OR1B1: variants seen among roughly 807,000 people sequenced by gnomAD.
The protein encoded by OR1B1 is olfactory receptor family 1 subfamily B member 1, also known as olfactory receptor 1B1.
For missense variants in OR1B1, 414 were observed against 402.1 expected (o/e 1.03, Z -0.25); for synonymous variants, 168 against 156.2 (o/e 1.08, Z -0.57).
At chr9:122,632,235 C>T (rs1830209966), upstream of OR1B1, among the ~76,000 whole-genome samples, 1 of 151,250 alleles carries the variant, frequency 6.6e-6, no homozygotes, top group South Asian at 2.1e-4. Context: ...AAGGAATATA[C>T]ATTATATTTA....
the OR1B1 span, among the ~76,000 whole-genome samples, chr9:122,648,605 AACAG>A: frequency 6.6e-6 from 1 of 152,220 alleles, no homozygotes; most frequent in African/African-American, 2.4e-5. Flanking sequence ...ATACGTCAAT[AACAG>A]ACAAACAGAG....
chr9:122,635,078 C>T, the OR1B1 span, among the ~76,000 whole-genome samples: 1 of 152,134 alleles, frequency 6.6e-6, no homozygotes, highest in Admixed American at 6.5e-5. Context: ...TATCTGCACT[C>T]CCATGTTCAC....
At chr9:122,629,560 G>C (rs375654136) in exon 1 of OR1B1, 3 of 1,449,532 alleles carry the variant, frequency 2.1e-6, no homozygotes, top group Admixed American at 3.8e-5. Flanking sequence ...CTGCCTGAAA[G>C]ACAGTTTAAG....
chr9:122,629,917 C>T (rs1476973253), upstream of OR1B1, among the ~76,000 whole-genome samples: 1 of 152,184 alleles, frequency 6.6e-6, no homozygotes, highest in Non-Finnish European at 1.5e-5. Flanking sequence ...AGTTCCTTAC[C>T]TTCCATTCAC....
At chr9:122,629,073 T>A in exon 1 of OR1B1, 1 of 1,614,018 alleles carries the variant, frequency 6.2e-7, no homozygotes, top group Admixed American at 1.7e-5. Context: ...GTGTGCAGTA[T>A]GGACACCACC....
exon 1 of OR1B1, chr9:122,629,562 C>T (rs750262566): frequency 7.0e-7 from 1 of 1,421,524 alleles, no homozygotes; most frequent in Non-Finnish European, 9.7e-7. Flanking sequence ...GCCTGAAAGA[C>T]AGTTTAAGTC....
chr9:122,630,406 G>A (rs1213745065), upstream of OR1B1, among the ~76,000 whole-genome samples: 4 of 152,116 alleles, frequency 2.6e-5, no homozygotes, highest in East Asian at 3.8e-4. Context: ...ATTCCTTAAC[G>A]TCTATGTTTT....
Position 122,629,124 on chromosome 9 carries a change from TTACC to T in OR1B1, c.408_411del (p.Val137Ter), listed in dbSNP as rs1238330108. ...AAGCAGGCACACCGTTGGTGATTCA[TTACC>T]AAAGCATAGTGCAGGGGGTCACAGA... On this transcript the variant is annotated frameshift_variant, in exon 1 of 1. Transcript: ENST00000623530. LOFTEE classifies it low-confidence loss of function (END_TRUNC). 2.1e-5 allele frequency: 34 copies of T among 1,613,954 alleles called. No individual in the cohort carries two copies. The highest frequency in any genetic ancestry group is 2.5e-5 in the Non-Finnish European group (30 of 1,180,026).
At chr9:122,632,466 G>C (rs1230891742), upstream of OR1B1, among the ~76,000 whole-genome samples, 8 of 151,952 alleles carry the variant, frequency 5.3e-5, no homozygotes, top group African/African-American at 1.9e-4. Flanking sequence ...GGTGGTATTT[G>C]GTTACAAGAG....
At position 122,629,318 on chromosome 9, in the gene OR1B1, A is replaced by G. The variant is rs771779577; in HGVS notation, c.218T>C (p.Met73Thr). Residue 73 changes from methionine to threonine, a missense_variant, in exon 1 of 1, where the codon ATG becomes ACG. Coordinates refer to ENST00000623530, the Ensembl canonical transcript of OR1B1. ...GGGCAGTGTAACTGTGGATAGCCCC[A>G]TGTCTATCACAGAGAGGCCACGAAG... 10 of 1,613,920 alleles carry G rather than the reference A, an allele frequency of 6.2e-6. No homozygotes were observed. The African/African-American group carries it at 6.7e-5, about 11-fold the overall frequency.
upstream of OR1B1, chr9:122,629,611 A>G (rs913813155): frequency 2.3e-6 from 2 of 879,068 alleles, no homozygotes; most frequent in Non-Finnish European, 1.8e-6. Flanking sequence ...GGATCATAGC[A>G]TTTCTAGTTA....
chr9:122,650,522 G>C, the OR1B1 span, among the ~76,000 whole-genome samples: 2 of 151,886 alleles, frequency 1.3e-5, no homozygotes, highest in African/African-American at 4.8e-5. Flanking sequence ...GATTAAATCT[G>C]GGGGAGGCAG....
chr9:122,629,536 G>A (rs950797381), exon 1 of OR1B1: 9 of 1,582,224 alleles, frequency 5.7e-6, no homozygotes, highest in Non-Finnish European at 7.8e-6. Flanking sequence ...AGCTCATCAT[G>A]AGTGACAGTC....
Position 122,628,660 on chromosome 9 carries a change from G to GT in OR1B1, c.875dup (p.Asn292LysfsTer6). On this transcript the variant is annotated frameshift_variant, in exon 1 of 1. Transcript: ENST00000623530. LOFTEE classifies it low-confidence loss of function (END_TRUNC). ...TATTGTGGAGGCTATACACAAATGG[G>GT]TTGGCCAAAGGTGTAATGGCAGTAT... 1 of 1,614,010 alleles carries GT rather than the reference G, an allele frequency of 6.2e-7. No homozygotes were observed. Among genetic ancestry groups the GT allele is most frequent in the Non-Finnish European group, 8.5e-7 (1 of 1,179,928 alleles).
chr9:122,637,227 A>C, the OR1B1 span: 2 of 152,166 alleles, frequency 1.3e-5, no homozygotes, highest in African/African-American at 4.8e-5. Flanking sequence ...TGAAGAAGGG[A>C]AACGGAAAGG....
At chr9:122,629,840 T>A (rs1485972896), upstream of OR1B1, among the ~76,000 whole-genome samples, 2 of 152,202 alleles carry the variant, frequency 1.3e-5, no homozygotes, top group Non-Finnish European at 2.9e-5. Flanking sequence ...TGTCTTTTCA[T>A]CCAACTATTT....
At chr9:122,629,540 G>T (rs374000153) in exon 1 of OR1B1, 48 of 1,568,906 alleles carry the variant, frequency 3.1e-5, no homozygotes, top group Non-Finnish European at 3.9e-5. Context: ...CATCATGAGT[G>T]ACAGTCAGCC....
chr9:122,629,348 T>C, exon 1 of OR1B1: 3 of 1,613,986 alleles, frequency 1.9e-6, no homozygotes, highest in Non-Finnish European at 2.5e-6. Context: ...ACGAAGCAGA[T>C]AATACATGGG....
the OR1B1 span, among the ~76,000 whole-genome samples, chr9:122,638,064 G>A: frequency 7.2e-5 from 11 of 152,114 alleles, no homozygotes; most frequent in East Asian, 5.8e-4. Context: ...GGAAAGGCCC[G>A]TTGCAAAATG....
Sources: allele counts gnomAD v4.1 joint callset (sites outside exome capture counted in the v4.1 genomes callset), GRCh38; gene constraint gnomAD v4.1.1; transcripts MANE v1.5; gene names NCBI Gene and HGNC (gene_info 2026-07-23, HGNC 2026-07-21).